PEAK3: variants seen among roughly 807,000 people sequenced by gnomAD.
PEAK3 encodes the protein PEAK family member 3, also known as protein PEAK3.
PEAK3 carries 15 observed loss-of-function variants against 13.3 expected under a neutral mutation model. The ratio of observed to expected loss-of-function variants is 1.13; its 90% confidence interval spans 0.75 to 1.73. The LOEUF (loss-of-function observed/expected upper bound fraction) is 1.73. PEAK3 is among the 40% of genes most tolerant of loss of function. The probability of loss-of-function intolerance (pLI) is 0.00; values close to 1 mark genes in which losing one functional copy is unlikely to be tolerated. For synonymous variants in PEAK3, 347 were observed against 341.9 expected (o/e 1.01, Z -0.17); for missense variants, 739 against 690.2 (o/e 1.07, Z -0.79).
At position 2,276,088 on chromosome 19, in the gene PEAK3, G is replaced by A. The variant is rs1369737645; in HGVS notation, c.1014C>T (p.Pro338=). 2 of 1,494,862 alleles carry A rather than the reference G, an allele frequency of 1.3e-6. No individual in the cohort carries two copies. Among genetic ancestry groups the A allele is most frequent in the Non-Finnish European group, 1.8e-6 (2 of 1,119,876 alleles). The allele number at this position is 1,494,862 out of a possible 1,614,324, so 92.6% of individuals were successfully genotyped here. A position where few individuals can be genotyped will look rare whatever the true frequency, so the allele number is the denominator to read the frequency against. The change falls in exon 4 of 4, where the codon CCC becomes CCT. Residue 338 remains proline, a synonymous_variant. Coordinates refer to ENST00000342063, the MANE Select transcript of PEAK3 (RefSeq NM_198532.3). ...LTDFGRVCLQ[P]PGPPGSPGPH... is the part of the protein sequence containing the mutation. ...GGCCCGGGGATCCCGGGGGTCCAGGGGGCTGCAGACAGACGCGGCCAAAGT... is the reference window on the plus strand; with the variant it reads ...GGCCCGGGGATCCCGGGGGTCCAGGAGGCTGCAGACAGACGCGGCCAAAGT...
At chr19:2,276,642 G>A (rs1456833379) in intron 3 of PEAK3, among the ~76,000 whole-genome samples, 153 bp from the exon 4 acceptor site, 1 of 152,192 alleles carries the variant, frequency 6.6e-6, no homozygotes, top group Non-Finnish European at 1.5e-5. Context: ...GCAGCAGGAG[G>A]TCAGTGTTAA....
chr19:2,276,842 C>T (rs183025489), intron 3 of PEAK3, among the ~76,000 whole-genome samples: 4 of 152,148 alleles, frequency 2.6e-5, no homozygotes, highest in East Asian at 3.9e-4. Flanking sequence ...AGGGAACGCT[C>T]GTCTCTACTA....
At chr19:2,278,243 C>A (rs2025408268) in intron 3 of PEAK3, among the ~76,000 whole-genome samples, 1 of 150,904 alleles carries the variant, frequency 6.6e-6, no homozygotes, top group Non-Finnish European at 1.5e-5. Context: ...TGGCTTACTG[C>A]AACCTCTGCC....
At chr19:2,277,612 G>T (rs1052169819) in intron 3 of PEAK3, among the ~76,000 whole-genome samples, 17 of 152,004 alleles carry the variant, frequency 1.1e-4, no homozygotes, top group Non-Finnish European at 2.5e-4. Flanking sequence ...AGGCTGGAGT[G>T]CAATAGCCCA....
chr19:2,281,028 A>G (rs943306846), intron 1 of PEAK3, 93 bp from the exon 2 acceptor site: 20 of 753,060 alleles, frequency 2.7e-5, no homozygotes, highest in Non-Finnish European at 3.8e-5. Flanking sequence ...GGCCTGGGAG[A>G]CCGTCGAGGC....
rs1249835947 is a variant in PEAK3 at position 2,275,598 on chromosome 19, G to T, written c.*82C>A. On this transcript the variant is annotated 3_prime_UTR_variant, in exon 4 of 4. Coordinates refer to ENST00000342063, the MANE Select transcript of PEAK3 (RefSeq NM_198532.3). Reference sequence around the variant, plus strand: ...GGACTCTGCAGGAAGAGGGTGTCTTGGCTATCATGGAGACGCTGACCTCAG... The same window carrying T: ...GGACTCTGCAGGAAGAGGGTGTCTTTGCTATCATGGAGACGCTGACCTCAG... 1.3e-5 allele frequency: 16 copies of T among 1,220,912 alleles called. No homozygotes were observed. In the Admixed American group the frequency reaches 4.8e-4, roughly 37 times the overall value. The allele number at this position is 1,220,912 out of a possible 1,614,324, so 75.6% of individuals were successfully genotyped here.
Position 2,275,727 on chromosome 19 carries a change from C to T in PEAK3, c.1375G>A (p.Ala459Thr), listed in dbSNP as rs2025378656. 6.4e-6 allele frequency: 10 copies of T among 1,557,060 alleles called. No individual in the cohort carries two copies. The East Asian group carries it at 2.5e-4, about 39-fold the overall frequency. ...DWLCCEYLAE[A>T]TESSMGQALA... ...GCCTGGCCCATCGAGGACTCGGTGG[C>T]CTCGGCCAGGTATTCGCAACACAGC... The change falls in exon 4 of 4, where the codon GCC becomes ACC. Residue 459 changes from alanine (A) to threonine (T), a missense_variant. By Grantham distance (58) the Ala-to-Thr change is moderately conservative. Coordinates refer to ENST00000342063, the MANE Select transcript of PEAK3 (RefSeq NM_198532.3).
intron 3 of PEAK3, among the ~76,000 whole-genome samples, chr19:2,277,374 C>CT (rs998044590): frequency 2.6e-5 from 4 of 151,910 alleles, no homozygotes; most frequent in African/African-American, 9.7e-5. Context: ...CACCTCCTCC[C>CT]TCCCTTCCTC....
rs369840674 is a variant in PEAK3 at position 2,280,909 on chromosome 19, G to A, written c.23C>T (p.Thr8Ile). 2.1e-5 allele frequency: 33 copies of A among 1,585,920 alleles called. No homozygotes were observed. The highest frequency in any genetic ancestry group is 2.7e-5 in the Non-Finnish European group (31 of 1,165,994). The change falls in exon 2 of 4, where the codon ACA becomes ATA. Residue 8 changes from threonine (T) to isoleucine (I), a missense_variant. Coordinates refer to ENST00000342063, the MANE Select transcript of PEAK3 (RefSeq NM_198532.3). Reference sequence around the variant, plus strand: ...GGGGTTGTCGGGCTCGGGGGGCTCTGTGGGGGGCTCCGGGCTGCTCATGTT... The same window carrying A: ...GGGGTTGTCGGGCTCGGGGGGCTCTATGGGGGGCTCCGGGCTGCTCATGTT... MSSPEPP[T>I]EPPEPDNPTW...
chr19:2,279,715 G>A (rs556571084), intron 2 of PEAK3, among the ~76,000 whole-genome samples: 1 of 151,824 alleles, frequency 6.6e-6, no homozygotes, highest in Non-Finnish European at 1.5e-5. Context: ...AGCACTCAGC[G>A]ACTCCCACTT....
chr19:2,276,135 G>A lies in PEAK3; in HGVS notation c.967C>T (p.Pro323Ser). ...AAGTCAGTGAGGAGCAGGCGTGGGG[G>A]CCCCGTCGTCGCACAGCCCCGAGGT... ...VAPRGCATTG[P>S]PRLLLTDFGR... Residue 323 changes from proline (P) to serine (S), a missense_variant, in exon 4 of 4, where the codon CCC becomes TCC. Transcript: ENST00000342063. The A allele has an allele frequency of 6.5e-7, 1 of 1,540,034 alleles. No homozygotes were observed. The highest frequency in any genetic ancestry group is 1.4e-5 in the African/African-American group (1 of 72,652).
At chr19:2,277,191 G>C (rs964797634) in intron 3 of PEAK3, among the ~76,000 whole-genome samples, 3 of 152,092 alleles carry the variant, frequency 2.0e-5, no homozygotes, top group African/African-American at 7.2e-5. Context: ...AATATGGTCT[G>C]GATCTGTGTC....
intron 3 of PEAK3, 120 bp downstream of exon 3, chr19:2,278,464 G>A: frequency 8.4e-7 from 1 of 1,190,534 alleles, no homozygotes; most frequent in Non-Finnish European, 1.1e-6. Flanking sequence ...CCCGGCTCCA[G>A]TATTTCTTTA....
Position 2,276,365 on chromosome 19 carries a change from G to A in PEAK3, c.737C>T (p.Pro246Leu). The A allele has an allele frequency of 1.3e-6, 2 of 1,599,626 alleles. No individual in the cohort carries two copies. Among genetic ancestry groups the A allele is most frequent in the Non-Finnish European group, 1.7e-6 (2 of 1,178,736 alleles). The change falls in exon 4 of 4, where the codon CCC (proline) becomes CTC (leucine). Residue 246 changes from proline (P) to leucine (L), a missense_variant. Pro to Leu is a moderately conservative substitution (Grantham distance 98, BLOSUM62 -3). Coordinates refer to ENST00000342063, the MANE Select transcript of PEAK3 (RefSeq NM_198532.3). ...TGCCAGCGCCACTGCGCCTCTCCAGGGCGCCCCGGGCAGTGTGCCTTCAGG... is the reference window on the plus strand; with the variant it reads ...TGCCAGCGCCACTGCGCCTCTCCAGAGCGCCCCGGGCAGTGTGCCTTCAGG... ...LVPEGTLPGA[P>L]WRGAVALAAE...
intron 3 of PEAK3, 65 bp from the exon 4 acceptor site, chr19:2,276,554 G>C (rs2025392323): frequency 7.3e-7 from 1 of 1,367,348 alleles, no homozygotes; most frequent in African/African-American, 1.5e-5. Flanking sequence ...GCCTGCCCCA[G>C]TGCTACCTGC....
chr19:2,279,902 C>T (rs1418836379), intron 2 of PEAK3, among the ~76,000 whole-genome samples: 4 of 150,296 alleles, frequency 2.7e-5, no homozygotes, highest in East Asian at 2.0e-4. Flanking sequence ...GGTGCCCGCC[C>T]GCCACTATGC....
intron 3 of PEAK3, 77 bp from the exon 4 acceptor site, chr19:2,276,566 C>T: frequency 3.9e-6 from 5 of 1,286,818 alleles, no homozygotes; most frequent in Admixed American, 5.8e-5. Context: ...GCTACCTGCC[C>T]CGAAGCCTCC....
Position 2,276,367 on chromosome 19 carries a change from C to A in PEAK3, c.735G>T (p.Ala245=), listed in dbSNP as rs201170734. 1.3e-4 allele frequency: 211 copies of A among 1,599,538 alleles called. 1 individual carries two copies. The East Asian group carries it at 4.5e-3, about 34-fold the overall frequency. Residue 245 remains alanine, a synonymous_variant, in exon 4 of 4, where the codon GCG becomes GCT. Transcript: ENST00000342063. ...CCAGCGCCACTGCGCCTCTCCAGGG[C>A]GCCCCGGGCAGTGTGCCTTCAGGCA... ...GLVPEGTLPG[A]PWRGAVALAA...
intron 3 of PEAK3, among the ~76,000 whole-genome samples, chr19:2,277,585 G>T (rs1014118471): frequency 5.3e-5 from 8 of 151,802 alleles, no homozygotes; most frequent in Admixed American, 3.3e-4. Context: ...TTGAGACAGA[G>T]TCTCACTCTG....
Sources: allele counts gnomAD v4.1 joint callset (sites outside exome capture counted in the v4.1 genomes callset), GRCh38; gene constraint gnomAD v4.1.1; transcripts MANE v1.5; gene names NCBI Gene and HGNC (gene_info 2026-07-23, HGNC 2026-07-21).